TRAPPC11: variants seen among roughly 807,000 people sequenced by gnomAD.
The protein encoded by TRAPPC11 is trafficking protein particle complex subunit 11.
In TRAPPC11, 104 loss-of-function variants were observed where a neutral mutation model predicts 151.2. The observed-to-expected ratio is 0.69, with a 90% confidence interval of 0.59 to 0.81. TRAPPC11 has a LOEUF of 0.81. Ranked by LOEUF, TRAPPC11 falls within the 30% of genes least tolerant of loss-of-function variation. The probability of loss-of-function intolerance (pLI) is 0.00; values close to 1 mark genes in which losing one functional copy is unlikely to be tolerated. For synonymous variants in TRAPPC11, 456 were observed against 472.3 expected, an observed-to-expected ratio of 0.97 and a Z score of 0.45; for missense variants, 1,230 against 1,349.6, an observed-to-expected ratio of 0.91 and a Z score of 1.39.
At chr4:183,673,788 T>C (rs996950675) in intron 5 of TRAPPC11, among the ~76,000 whole-genome samples, 6 of 152,260 alleles carry the variant, frequency 3.9e-5, no homozygotes, top group Non-Finnish European at 8.8e-5. Flanking sequence ...TTTATCTGGC[T>C]ATGAGTTCTG....
At chr4:183,681,540 G>A (rs1735689943) in intron 10 of TRAPPC11, among the ~76,000 whole-genome samples, 2 of 152,146 alleles carry the variant, frequency 1.3e-5, no homozygotes, top group African/African-American at 4.8e-5. Flanking sequence ...CAGCACTTTG[G>A]GAGGCTGAGG....
chr4:183,668,248 G>A (rs1734980364), intron 5 of TRAPPC11, 131 bp downstream of exon 5: 1 of 510,072 alleles, frequency 2.0e-6, no homozygotes, highest in Non-Finnish European at 3.4e-6. Flanking sequence ...AGGCTATGGG[G>A]TAAAAATAAA....
intron 18 of TRAPPC11, among the ~76,000 whole-genome samples, chr4:183,688,522 G>A (rs901260391): frequency 2.0e-5 from 3 of 152,126 alleles, no homozygotes; most frequent in African/African-American, 7.2e-5. Flanking sequence ...AGATTTATTT[G>A]TTCTTTTGTC....
At chr4:183,693,424 T>G (rs562241784) in intron 20 of TRAPPC11, among the ~76,000 whole-genome samples, 165 bp from the exon 21 acceptor site, 26 of 152,204 alleles carry the variant, frequency 1.7e-4, no homozygotes, top group Non-Finnish European at 2.6e-4. Flanking sequence ...CAGCCTTGTT[T>G]CAAACTCCTG....
intron 18 of TRAPPC11, among the ~76,000 whole-genome samples, chr4:183,688,610 T>G (rs186843860): frequency 1.1e-3 from 165 of 152,370 alleles, no homozygotes; most frequent in African/African-American, 3.8e-3. Context: ...AAGAGAAATA[T>G]CTCTGTAATA....
At chr4:183,699,340 C>A (rs533940289) in intron 25 of TRAPPC11, among the ~76,000 whole-genome samples, 2 of 152,284 alleles carry the variant, frequency 1.3e-5, no homozygotes, top group Non-Finnish European at 2.9e-5. Context: ...AAGTACTCTT[C>A]CTTCTTTATT....
intron 5 of TRAPPC11, among the ~76,000 whole-genome samples, chr4:183,670,725 C>A (rs1322699762): frequency 6.6e-6 from 1 of 152,182 alleles, no homozygotes; most frequent in South Asian, 2.1e-4. Context: ...CCTCCCTCAC[C>A]CTCCTGAATA....
chr4:183,702,189 C>T (rs1227260034), intron 26 of TRAPPC11, among the ~76,000 whole-genome samples: 4 of 151,814 alleles, frequency 2.6e-5, no homozygotes, highest in African/African-American at 7.3e-5. Context: ...ACAAAAAATA[C>T]AAAAATTAGC....
At chr4:183,677,963 G>C (rs1054022052) in intron 8 of TRAPPC11, among the ~76,000 whole-genome samples, 1 of 147,776 alleles carries the variant, frequency 6.8e-6, no homozygotes, top group Non-Finnish European at 1.5e-5. Context: ...TTTTTGAGAC[G>C]GAGTTTTGCT....
At chr4:183,690,005 C>T (rs1457918586) in intron 18 of TRAPPC11, among the ~76,000 whole-genome samples, 2 of 152,036 alleles carry the variant, frequency 1.3e-5, no homozygotes, top group Admixed American at 1.3e-4. Context: ...GAGTTCAAGA[C>T]CAGCCTGGCC....
chr4:183,686,257 C>T (rs1267413792), intron 17 of TRAPPC11, among the ~76,000 whole-genome samples: 2 of 152,070 alleles, frequency 1.3e-5, no homozygotes, highest in African/African-American at 4.8e-5. Context: ...GTGCCTCAGC[C>T]TCCCTAGTAG....
At chr4:183,683,275 A>G (rs1399835558) in intron 11 of TRAPPC11, among the ~76,000 whole-genome samples, 3 of 152,260 alleles carry the variant, frequency 2.0e-5, no homozygotes, top group African/African-American at 7.2e-5. Context: ...GACATTTTAA[A>G]ACAGCATTAA....
intron 5 of TRAPPC11, 99 bp downstream of exon 5, chr4:183,668,216 GA>G: frequency 1.5e-6 from 1 of 666,370 alleles, no homozygotes; most frequent in African/African-American, 1.8e-5. Flanking sequence ...TCATGTTCAT[GA>G]AAAACATTCA....
rs146496013 is a variant in TRAPPC11, at chr4:183,712,454, A to G, written c.3358-146A>G. 632 of 812,232 alleles carry G rather than the reference A, an allele frequency of 7.8e-4. 2 individuals carry two copies. The African/African-American group carries it at 9.4e-3, about 12-fold the overall frequency. The allele number at this position is 812,232 out of a possible 1,614,324, so 50.3% of individuals were successfully genotyped here. ...GTGGGGTGAAAGGAGGAGAATCACCATATCACCATTTTTATTTTGATGCTT... is the reference window on the plus strand; with the variant it reads ...GTGGGGTGAAAGGAGGAGAATCACCGTATCACCATTTTTATTTTGATGCTT... On this transcript the variant is annotated intron_variant, in intron 29 of 29. Transcript: ENST00000334690.
At chr4:183,700,411 T>C (rs1226925572) in intron 25 of TRAPPC11, among the ~76,000 whole-genome samples, 1 of 152,208 alleles carries the variant, frequency 6.6e-6, no homozygotes, top group Non-Finnish European at 1.5e-5. Context: ...ACCATAAAAA[T>C]AGCCTAATGT....
intron 16 of TRAPPC11, 41 bp downstream of exon 16, chr4:183,685,186 A>G: frequency 6.2e-7 from 1 of 1,610,370 alleles, no homozygotes; most frequent in Non-Finnish European, 8.5e-7. Flanking sequence ...TATTAGGAAT[A>G]TGTGTACTTA....
intron 5 of TRAPPC11, 142 bp from the exon 6 acceptor site, chr4:183,674,571 C>T (rs1735317016): frequency 4.5e-6 from 2 of 440,828 alleles, no homozygotes; most frequent in African/African-American, 2.1e-5. Flanking sequence ...TTCAGGTTAT[C>T]TTTTGCTTCA....
chr4:183,694,945 C>CTTTTTTT (rs34556587), intron 23 of TRAPPC11, among the ~76,000 whole-genome samples: 3 of 119,858 alleles, frequency 2.5e-5, no homozygotes, highest in South Asian at 2.7e-4. Context: ...TATGGCTTTT[C>CTTTTTTT]TTTTTTTTTT....
chr4:183,688,010 T>G (rs1289492048), intron 18 of TRAPPC11, among the ~76,000 whole-genome samples: 1 of 152,206 alleles, frequency 6.6e-6, no homozygotes, highest in Non-Finnish European at 1.5e-5. Context: ...TACAACTCTA[T>G]TATAAACTCA....
Sources: allele counts gnomAD v4.1 joint callset (sites outside exome capture counted in the v4.1 genomes callset), GRCh38; gene constraint gnomAD v4.1.1; transcripts MANE v1.5; gene names NCBI Gene and HGNC (gene_info 2026-07-23, HGNC 2026-07-21).